The following PRICKLE2 variants were observed in gnomAD, a reference collection of about 807,000 sequenced individuals.
PRICKLE2 encodes prickle planar cell polarity protein 2.
PRICKLE2 carries 21 observed loss-of-function variants against 81.4 expected under a neutral mutation model. The observed-to-expected ratio is 0.26, with a 90% CI of 0.18 to 0.37. The LOEUF (loss-of-function observed/expected upper bound fraction) is 0.37, where lower values mean the gene tolerates loss of function less well. Among genes scored for constraint, PRICKLE2 ranks in the 10% least tolerant of loss-of-function variants. The pLI is 1.00. For synonymous variants in PRICKLE2, 456 were observed against 421.5 expected, an observed-to-expected ratio of 1.08 and a Z score of -1.00; for missense variants, 940 against 1,109.0, an observed-to-expected ratio of 0.85 and a Z score of 2.16.
chr3:64,157,526 T>G (rs902547991), intron 4 of PRICKLE2, among the ~76,000 whole-genome samples, 161 bp from the exon 5 acceptor site: 1 of 152,202 alleles, frequency 6.6e-6, no homozygotes, highest in Admixed American at 6.5e-5. Context: ...CAGGTTTTTC[T>G]TGTCCTCCCT....
intron 2 of PRICKLE2, among the ~76,000 whole-genome samples, chr3:64,184,403 A>C (rs1201287738): frequency 1.3e-5 from 2 of 152,204 alleles, no homozygotes; most frequent in African/African-American, 4.8e-5. Flanking sequence ...TGTGCTTGAG[A>C]AAGACCACAG....
intron 2 of PRICKLE2, among the ~76,000 whole-genome samples, chr3:64,192,078 T>A (rs550851169): frequency 4.6e-4 from 70 of 152,348 alleles, no homozygotes; most frequent in African/African-American, 1.7e-3. Flanking sequence ...GGGAATCTGC[T>A]TAGAATACAA....
chr3:64,267,513 C>T (rs1575733336), intron 2 of PRICKLE2, among the ~76,000 whole-genome samples: 2 of 151,870 alleles, frequency 1.3e-5, no homozygotes, highest in South Asian at 4.2e-4. Flanking sequence ...ATAACTAGGT[C>T]ATTAACAGTA....
At chr3:64,119,613 TG>T (rs2076994522) in intron 7 of PRICKLE2, among the ~76,000 whole-genome samples, 1 of 152,162 alleles carries the variant, frequency 6.6e-6, no homozygotes, top group African/African-American at 2.4e-5. Flanking sequence ...TTGGTGCAAA[TG>T]TAAGTGAGTT....
In PRICKLE2 at chr3:64,147,267, T is replaced by G; in HGVS notation, c.1223A>C (p.Glu408Ala). 6.2e-7 allele frequency: 1 copy of G among 1,611,482 alleles called. No individual in the cohort carries two copies. Among genetic ancestry groups the G allele is most frequent in the Non-Finnish European group, 8.5e-7 (1 of 1,178,098 alleles). The change falls in exon 7 of 8, where the codon GAG becomes GCG. Residue 408 changes from glutamate (E) to alanine (A), a missense_variant. Around this residue, in one of 2 missense-constraint regions of PRICKLE2, gnomAD observed 670 missense variants for 717.2 expected, o/e 0.93. Transcript: ENST00000638394. This position sits in a 1 kb window ranked among gnomAD's most constrained non-coding sequence, Gnocchi z 5.0. ...EEPYHYGNKM[E>A]QNQTQSPLQL... ...CAGAGGGCTCTGGGTCTGGTTCTGC[T>G]CCATCTTGTTCCCATAATGGTAGGG...
At chr3:64,162,675 T>C (rs2077754133) in intron 3 of PRICKLE2, among the ~76,000 whole-genome samples, 1 of 152,164 alleles carries the variant, frequency 6.6e-6, no homozygotes, top group Non-Finnish European at 1.5e-5. Flanking sequence ...ATCTCAGTCA[T>C]CTCTCCAAAA....
chr3:64,238,485 C>CAAAAAAA (rs11291908), intron 2 of PRICKLE2, among the ~76,000 whole-genome samples: 1 of 104,506 alleles, frequency 9.6e-6, no homozygotes, highest in Non-Finnish European at 2.1e-5. Flanking sequence ...GACTCCGTCT[C>CAAAAAAA]AAAAAAAAAA....
chr3:64,146,071 A>G (rs1320483842), intron 7 of PRICKLE2: 1 of 152,138 alleles, frequency 6.6e-6, no homozygotes, highest in East Asian at 1.9e-4. Context: ...GCCCACATCC[A>G]CTATCTCATC....
At chr3:64,165,963 G>GGTGTGT (rs67554015) in intron 2 of PRICKLE2, among the ~76,000 whole-genome samples, 818 of 61,736 alleles carry the variant, frequency 0.013, 5 homozygotes, top group African/African-American at 0.017. Flanking sequence ...CTGTTATAAA[G>GGTGTGT]GTGTGTGTGT....
chr3:64,266,246 A>C (rs1267252762), intron 2 of PRICKLE2, among the ~76,000 whole-genome samples: 1 of 152,150 alleles, frequency 6.6e-6, no homozygotes, highest in Non-Finnish European at 1.5e-5. Flanking sequence ...CTTAAAACGA[A>C]TCTGCCTTCA....
intron 7 of PRICKLE2, among the ~76,000 whole-genome samples, chr3:64,122,260 CATT>C (rs2077039322): frequency 6.6e-6 from 1 of 152,124 alleles, no homozygotes. Flanking sequence ...CATCATCTGT[CATT>C]AGTCAAAACC....
chr3:64,099,167 C>T lies in PRICKLE2; in HGVS notation c.2419G>A (p.Asp807Asn), dbSNP rs933690876. 1.2e-6 allele frequency: 2 copies of T among 1,614,240 alleles called. No homozygotes were observed. Among genetic ancestry groups the T allele is most frequent in the East Asian group, 2.2e-5 (1 of 44,874 alleles). ...QPARLRYVTS[D>N]ELLHKYSSYG... ...GAGCTGTATTTGTGCAGCAGCTCAT[C>T]GCTTGTGACGTATCGCAGGCGCGCT... The change falls in exon 8 of 8, where the codon GAT becomes AAT. Residue 807 changes from aspartate to asparagine, a missense_variant. Physicochemically the swap from Asp to Asn is conservative, Grantham distance 23. Transcript: ENST00000638394. This position sits in a 1 kb window ranked among gnomAD's most constrained non-coding sequence, Gnocchi z 4.3.
At chr3:64,138,105 C>T (rs924387000) in intron 7 of PRICKLE2, among the ~76,000 whole-genome samples, 1 of 151,802 alleles carries the variant, frequency 6.6e-6, no homozygotes, top group African/African-American at 2.4e-5. Flanking sequence ...CAGATAAAAA[C>T]GTCAGTCCTG....
chr3:64,248,908 TAA>T (rs1224681488), intron 2 of PRICKLE2, among the ~76,000 whole-genome samples: 1 of 152,234 alleles, frequency 6.6e-6, no homozygotes, highest in Non-Finnish European at 1.5e-5. Flanking sequence ...AAATTCTTTT[TAA>T]ATTCCTTACC....
chr3:64,259,226 C>T (rs969046360), intron 2 of PRICKLE2, among the ~76,000 whole-genome samples: 1 of 152,172 alleles, frequency 6.6e-6, no homozygotes, highest in Admixed American at 6.5e-5. Context: ...ATAACAGTGG[C>T]AGCAACACAG....
intron 1 of PRICKLE2, among the ~76,000 whole-genome samples, chr3:64,210,442 G>T (rs1426125058): frequency 6.6e-6 from 1 of 152,128 alleles, no homozygotes; most frequent in African/African-American, 2.4e-5. Flanking sequence ...CAAGGGCGGA[G>T]ACTGTGACGG....
chr3:64,201,602 T>C (rs2078581711), intron 1 of PRICKLE2, among the ~76,000 whole-genome samples: 1 of 152,232 alleles, frequency 6.6e-6, no homozygotes, highest in African/African-American at 2.4e-5. Context: ...GTTCTAATTG[T>C]TGAGTTATAA....
intron 5 of PRICKLE2, 79 bp downstream of exon 5, chr3:64,157,083 G>A (rs2077647327): frequency 7.3e-7 from 1 of 1,364,456 alleles, no homozygotes; most frequent in Non-Finnish European, 1.0e-6. Context: ...CTTCAGTGCA[G>A]AAAGCCAGAA....
At chr3:64,105,470 A>C (rs1018453980) in intron 7 of PRICKLE2, among the ~76,000 whole-genome samples, 1 of 152,158 alleles carries the variant, frequency 6.6e-6, no homozygotes, top group Non-Finnish European at 1.5e-5. Context: ...ACAGCTTGGA[A>C]AAAAGCAACC....
Sources: gnomAD v4.1 joint callset for allele counts (sites outside exome capture counted in the v4.1 genomes callset) on GRCh38, gnomAD v4.1.1 for gene constraint, gnomAD v4.1.1 regional missense constraint, Gnocchi (gnomAD v3.1) non-coding constraint, MANE v1.5 for transcripts, NCBI Gene and HGNC (gene_info 2026-07-23, HGNC 2026-07-21) for gene names.